Variants in NBEA observed in about 807,000 individuals in gnomAD.
The protein encoded by NBEA is neurobeachin, also known as lysosomal-trafficking regulator 2.
Under a neutral mutation model 343.4 loss-of-function variants are expected in NBEA, and 44 were observed. The ratio of observed to expected loss-of-function variants is 0.13; its 90% CI spans 0.10 to 0.16. The LOEUF (loss-of-function observed/expected upper bound fraction) is 0.16, where lower values mean the gene tolerates loss of function less well. NBEA is among the 10% of genes least tolerant of loss of function. NBEA has a pLI of 1.00. For synonymous variants in NBEA, 1,175 were observed against 1,238.7 expected, an observed-to-expected ratio of 0.95 and a Z score of 1.08; for missense variants, 2,555 against 3,631.3, an observed-to-expected ratio of 0.70 and a Z score of 7.62.
At chr13:35,290,188 G>C (rs1161014421) in intron 34 of NBEA, among the ~76,000 whole-genome samples, 1 of 151,466 alleles carries the variant, frequency 6.6e-6, no homozygotes, top group Non-Finnish European at 1.5e-5. Flanking sequence ...ATACTGAATG[G>C]GCAAAAACTG....
chr13:35,283,016 A>G (rs1188340828), intron 34 of NBEA, among the ~76,000 whole-genome samples: 2 of 152,142 alleles, frequency 1.3e-5, no homozygotes, highest in African/African-American at 2.4e-5. Flanking sequence ...AGTAGGTGTT[A>G]ATAATATTGC....
At chr13:35,462,951 C>T (rs1402281056) in intron 40 of NBEA, among the ~76,000 whole-genome samples, 1 of 152,134 alleles carries the variant, frequency 6.6e-6, no homozygotes, top group East Asian at 1.9e-4. Flanking sequence ...GATGAAGATG[C>T]GTGATCTGTT....
chr13:35,623,575 T>G (rs1212902573), intron 48 of NBEA, among the ~76,000 whole-genome samples: 1 of 152,112 alleles, frequency 6.6e-6, no homozygotes, highest in Middle Eastern at 3.2e-3. Context: ...ATTAATTATT[T>G]ATTGATTCAC....
intron 44 of NBEA, 74 bp from the exon 45 acceptor site, chr13:35,566,831 T>A: frequency 1.3e-6 from 1 of 783,450 alleles, no homozygotes; most frequent in Non-Finnish European, 2.1e-6. Flanking sequence ...ATTCAGTAGA[T>A]GCTTTGTAAA....
intron 50 of NBEA, 127 bp from the exon 51 acceptor site, chr13:35,646,132 A>C (rs1320161415): frequency 3.1e-5 from 24 of 762,674 alleles, no homozygotes; most frequent in Middle Eastern, 5.1e-4. Context: ...CTGAGAAAAG[A>C]GCACCCGTTG....
chr13:34,956,273 T>C (rs2059487225), intron 1 of NBEA, among the ~76,000 whole-genome samples: 1 of 152,086 alleles, frequency 6.6e-6, no homozygotes. Context: ...AGGTGAATGA[T>C]GATTAACTTT....
At chr13:35,653,484 C>T (rs1218249720) in intron 53 of NBEA, among the ~76,000 whole-genome samples, 1 of 152,036 alleles carries the variant, frequency 6.6e-6, no homozygotes, top group Non-Finnish European at 1.5e-5. Context: ...GCGTGCACCA[C>T]CACGCCTGTC....
At chr13:35,667,609 A>G (rs1234488459) in intron 57 of NBEA, 39 bp downstream of exon 57, 1 of 1,509,380 alleles carries the variant, frequency 6.6e-7, no homozygotes, top group Admixed American at 1.7e-5. Flanking sequence ...GACTGAAGCC[A>G]AGAGATTAAA....
At chr13:35,091,991 G>A (rs867790210) in intron 10 of NBEA, among the ~76,000 whole-genome samples, 4 of 151,962 alleles carry the variant, frequency 2.6e-5, no homozygotes, top group African/African-American at 9.7e-5. Context: ...AAAGAATAAA[G>A]TTGGAAGAAT....
chr13:35,130,109 T>G (rs2152684487), intron 17 of NBEA, among the ~76,000 whole-genome samples: 1 of 152,230 alleles, frequency 6.6e-6, no homozygotes, highest in East Asian at 1.9e-4. Flanking sequence ...TTATAACAAA[T>G]GTACCACTCT....
intron 1 of NBEA, among the ~76,000 whole-genome samples, chr13:34,996,455 C>T (rs999421048): frequency 1.4e-5 from 2 of 145,258 alleles, no homozygotes; most frequent in African/African-American, 4.9e-5. Flanking sequence ...GGGCTTTTCA[C>T]CTCTGCGTTT....
At chr13:35,563,268 A>T (rs1206422938) in intron 44 of NBEA, among the ~76,000 whole-genome samples, 2 of 151,976 alleles carry the variant, frequency 1.3e-5, no homozygotes, top group African/African-American at 4.8e-5. Flanking sequence ...TTTACTAAAT[A>T]TCAACTATCC....
At chr13:35,381,475 T>C (rs573971840) in intron 38 of NBEA, among the ~76,000 whole-genome samples, 11 of 152,288 alleles carry the variant, frequency 7.2e-5, no homozygotes, top group South Asian at 4.1e-4. Flanking sequence ...AACTAACCTG[T>C]ATGCTTTATA....
chr13:35,177,013 T>A lies in NBEA; in HGVS notation c.4572T>A (p.Val1524=), dbSNP rs1313844605. 1 of 1,596,406 alleles carries A rather than the reference T, an allele frequency of 6.3e-7. No homozygotes were observed. The highest frequency in any genetic ancestry group is 1.3e-5 in the African/African-American group (1 of 74,688). Residue 1524 remains valine, a synonymous_variant, in exon 28 of 59, where the codon GTT becomes GTA. Coordinates refer to ENST00000379939, the MANE Select transcript of NBEA (RefSeq NM_001385012.1). ...TTTCAAAGACTCCATTGGAAAATGT[T>A]CCAGGTAACCTTTCTCCTATTAAGG... ...TAASKTPLEN[V]PGNLSPIKDP...
rs1160440912 is a variant in NBEA at position 35,649,652 on chromosome 13, C to T, written c.7771-3C>T. On this transcript the variant is annotated splice_polypyrimidine_tract_variant and splice_region_variant and intron_variant, in intron 51 of 58. Coordinates refer to ENST00000379939, the MANE Select transcript of NBEA (RefSeq NM_001385012.1). ...TCTGTTCTCTTCCCTTTCTATTCAA[C>T]AGTGTTTCCTTCCACAGAGTCCGCT... is the stretch of plus-strand genomic sequence containing the variant. The T allele has an allele frequency of 1.2e-6, 2 of 1,608,606 alleles. No individual in the cohort carries two copies. The highest frequency in any genetic ancestry group is 4.5e-5 in the East Asian group (2 of 44,838).
intron 41 of NBEA, among the ~76,000 whole-genome samples, chr13:35,524,907 A>G (rs2077896153): frequency 6.6e-6 from 1 of 152,200 alleles, no homozygotes. Flanking sequence ...GAAGCCTTTT[A>G]TCTAGAGAGT....
intron 48 of NBEA, among the ~76,000 whole-genome samples, chr13:35,613,604 T>C (rs2082615245): frequency 1.4e-5 from 2 of 142,924 alleles, no homozygotes; most frequent in African/African-American, 5.4e-5. Flanking sequence ...CTATTTTTAG[T>C]TGTTTTTGTT....
At chr13:35,101,480 A>C (rs932473681) in intron 11 of NBEA, among the ~76,000 whole-genome samples, 1 of 151,750 alleles carries the variant, frequency 6.6e-6, no homozygotes, top group African/African-American at 2.4e-5. Context: ...TCATGTGCTT[A>C]TTAGCTATTT....
chr13:35,307,481 T>C (rs2036972245), intron 35 of NBEA, among the ~76,000 whole-genome samples: 1 of 152,032 alleles, frequency 6.6e-6, no homozygotes, highest in Non-Finnish European at 1.5e-5. Flanking sequence ...TCCATATAAT[T>C]TTAGATTGAT....
Sources: allele counts gnomAD v4.1 joint callset (sites outside exome capture counted in the v4.1 genomes callset), GRCh38; gene constraint gnomAD v4.1.1; transcripts MANE v1.5; gene names NCBI Gene and HGNC (gene_info 2026-07-23, HGNC 2026-07-21).